The following ZNF407 variants were observed in gnomAD, a reference collection of about 807,000 sequenced individuals.
ZNF407 encodes zinc finger protein 407.
ZNF407 carries 17 observed loss-of-function variants against 131.2 expected under a neutral mutation model. The observed-to-expected ratio is 0.13, with a 90% confidence interval of 0.09 to 0.19. ZNF407 has a LOEUF of 0.19. ZNF407 is among the 10% of genes least tolerant of loss of function. The pLI, the probability that ZNF407 is intolerant of heterozygous loss-of-function variation, is 1.00. For synonymous variants in ZNF407, 1,156 were observed against 1,062.0 expected (o/e 1.09, Z -1.72); for missense variants, 2,681 against 2,830.6 (o/e 0.95, Z 1.20).
At chr18:74,713,247 A>G (rs1461783087) in intron 3 of ZNF407, among the ~76,000 whole-genome samples, 2 of 152,108 alleles carry the variant, frequency 1.3e-5, no homozygotes, top group African/African-American at 2.4e-5. Context: ...GACTCCTCCA[A>G]TCTTTAAAAT....
At chr18:74,927,931 C>T (rs1162940132) in intron 8 of ZNF407, among the ~76,000 whole-genome samples, 3 of 151,980 alleles carry the variant, frequency 2.0e-5, no homozygotes, top group South Asian at 2.1e-4. Flanking sequence ...AGAGTAGAAA[C>T]GTATCATTTA....
intron 8 of ZNF407, among the ~76,000 whole-genome samples, chr18:74,958,455 G>C (rs1400164840): frequency 1.3e-5 from 2 of 151,906 alleles, no homozygotes; most frequent in Non-Finnish European, 2.9e-5. Context: ...TTGGCCATGA[G>C]GAGGAGCCCC....
chr18:75,051,551 G>A (rs1007227603), intron 8 of ZNF407, among the ~76,000 whole-genome samples: 3 of 152,208 alleles, frequency 2.0e-5, no homozygotes, highest in African/African-American at 7.2e-5. Context: ...TCATGAAGCA[G>A]AGTGATAGCA....
intron 4 of ZNF407, chr18:74,804,315 A>C (rs971874724): frequency 3.1e-5 from 35 of 1,121,142 alleles, no homozygotes; most frequent in South Asian, 7.6e-5. Flanking sequence ...AAAAAAAAAA[A>C]CCCTTAATGA....
chr18:74,877,624 T>G (rs35027965), intron 5 of ZNF407, among the ~76,000 whole-genome samples: 1 of 152,248 alleles, frequency 6.6e-6, no homozygotes, highest in African/African-American at 2.4e-5. Context: ...TCATTTATGG[T>G]GTATGTATGT....
intron 4 of ZNF407, among the ~76,000 whole-genome samples, chr18:74,835,992 A>G (rs1314966477): frequency 6.7e-6 from 1 of 148,964 alleles, no homozygotes; most frequent in African/African-American, 2.5e-5. Flanking sequence ...CTCCTTTGGG[A>G]TAAGGGACCC....
intron 8 of ZNF407, among the ~76,000 whole-genome samples, chr18:74,958,595 G>A (rs1403992278): frequency 1.3e-5 from 2 of 152,158 alleles, no homozygotes; most frequent in Non-Finnish European, 2.9e-5. Flanking sequence ...CGAGGAGTCC[G>A]CCATGCATAC....
At chr18:74,602,661 A>AAGGCGACACAGCTATTAAATGTGC (rs1982633082) in intron 1 of ZNF407, among the ~76,000 whole-genome samples, 1 of 152,214 alleles carries the variant, frequency 6.6e-6, no homozygotes, top group Non-Finnish European at 1.5e-5. Context: ...TAGCTTGTGC[A>AAGGCGACACAGCTATTAAATGTGC]AGGCGACACA....
Position 74,622,741 on chromosome 18 carries a change from AGT to A in ZNF407, c.-53-8216_-53-8215del, listed in dbSNP as rs1401244537. ...ATCACCATAGTGGTGTGTGTCTGTG[AGT>A]GTGTGTGTGAATGAATATTTGTGTG... On this transcript the variant is annotated intron_variant, in intron 1 of 8. Transcript: ENST00000299687. Among the ~76,000 whole-genome samples, 7 of 146,254 alleles carry A rather than the reference AGT, an allele frequency of 4.8e-5. No homozygotes were observed. The East Asian group carries it at 6.2e-4, about 13-fold the overall frequency.
chr18:74,897,816 A>T (rs1259704618), intron 7 of ZNF407, among the ~76,000 whole-genome samples: 3 of 152,228 alleles, frequency 2.0e-5, no homozygotes, highest in African/African-American at 7.2e-5. Flanking sequence ...TCACCTATGC[A>T]TCCCTACAGT....
chr18:75,049,385 G>A (rs1450347407), intron 8 of ZNF407, among the ~76,000 whole-genome samples: 4 of 152,064 alleles, frequency 2.6e-5, no homozygotes, highest in South Asian at 2.1e-4. Context: ...TTATTTGTCC[G>A]GTTCCTGAAG....
chr18:75,063,462 C>T lies in ZNF407; in HGVS notation c.5741C>T (p.Thr1914Met), dbSNP rs780925817. Reference protein sequence around the residue: ...HITEDGQVIATSQSGAHVGSV... With the variant: ...HITEDGQVIAMSQSGAHVGSV... ...ACGGAGGATGGCCAGGTCATCGCCACGAGTCAGAGCGGGGCACATGTAGGC... is the reference window on the plus strand; with the variant it reads ...ACGGAGGATGGCCAGGTCATCGCCATGAGTCAGAGCGGGGCACATGTAGGC... Residue 1914 changes from threonine to methionine, a missense_variant, in exon 9 of 9, where the codon ACG becomes ATG. Physicochemically the swap from Thr to Met is moderately conservative, Grantham distance 81. Coordinates refer to ENST00000299687, the MANE Select transcript of ZNF407 (RefSeq NM_017757.3). This position sits in a 1 kb window ranked among gnomAD's most constrained non-coding sequence, Gnocchi z 6.6. 9.3e-6 allele frequency: 15 copies of T among 1,605,200 alleles called. No homozygotes were observed. In the South Asian group the frequency reaches 1.2e-4, roughly 13 times the overall value.
chr18:74,936,892 G>T (rs918529565), intron 8 of ZNF407, among the ~76,000 whole-genome samples: 1 of 152,116 alleles, frequency 6.6e-6, no homozygotes. Context: ...AAACTTTTTG[G>T]TGAGAGAGGT....
At chr18:74,934,727 A>AC (rs1972020411) in intron 8 of ZNF407, among the ~76,000 whole-genome samples, 2 of 152,086 alleles carry the variant, frequency 1.3e-5, no homozygotes, top group African/African-American at 4.8e-5. Context: ...AATCACTTGA[A>AC]CCCGGGAGGT....
intron 8 of ZNF407, among the ~76,000 whole-genome samples, chr18:74,938,455 C>G (rs1455012107): frequency 2.0e-5 from 3 of 152,106 alleles, no homozygotes; most frequent in Non-Finnish European, 2.9e-5. Flanking sequence ...TTAAGACGCT[C>G]TGTCTCTTTG....
intron 4 of ZNF407, among the ~76,000 whole-genome samples, chr18:74,812,273 G>T (rs925808256): frequency 7.2e-5 from 11 of 152,180 alleles, no homozygotes; most frequent in Non-Finnish European, 1.5e-4. Context: ...ATTTGAGAAG[G>T]TTGTGAAATG....
intron 4 of ZNF407, among the ~76,000 whole-genome samples, chr18:74,862,927 T>TG (rs1334101897): frequency 6.6e-6 from 1 of 151,702 alleles, no homozygotes; most frequent in Non-Finnish European, 1.5e-5. Flanking sequence ...CTCACTTTTT[T>TG]TTTTTTTTTT....
chr18:74,913,968 T>C (rs1054108681), intron 7 of ZNF407, among the ~76,000 whole-genome samples: 1 of 152,232 alleles, frequency 6.6e-6, no homozygotes, highest in African/African-American at 2.4e-5. Context: ...ATGGGTCCCA[T>C]CTTGGGCCCT....
chr18:74,933,572 T>C (rs1036390214), intron 8 of ZNF407, among the ~76,000 whole-genome samples: 3 of 152,216 alleles, frequency 2.0e-5, no homozygotes, highest in Non-Finnish European at 2.9e-5. Flanking sequence ...TTTACCACAA[T>C]TTTTAAAAAT....
Sources: gnomAD v4.1 joint callset for allele counts (sites outside exome capture counted in the v4.1 genomes callset) on GRCh38, gnomAD v4.1.1 for gene constraint, Gnocchi (gnomAD v3.1) non-coding constraint, MANE v1.5 for transcripts, NCBI Gene and HGNC (gene_info 2026-07-23, HGNC 2026-07-21) for gene names.